SPDYE2: variants seen among roughly 807,000 people sequenced by gnomAD.
The protein encoded by SPDYE2 is speedy protein E2.
For synonymous variants in SPDYE2, 2 were observed against 45.1 expected, an observed-to-expected ratio of 0.04 and a Z score of 3.83; for missense variants, 1 against 121.0, an observed-to-expected ratio of 0.01 and a Z score of 4.65.
Position 102,557,226 on chromosome 7 carries a change from A to C in SPDYE2, c.669+4A>C, listed in dbSNP as rs1195969159. 5 of 592,740 alleles carry C rather than the reference A, an allele frequency of 8.4e-6. No individual in the cohort carries two copies. The East Asian group carries it at 2.1e-4, about 25-fold the overall frequency. 36.7% of individuals were successfully genotyped at this position (592,740 alleles called of 1,614,324 possible). A position where few individuals can be genotyped will look rare whatever the true frequency, so the allele number is the denominator to read the frequency against. On this transcript the variant is annotated splice_donor_region_variant and intron_variant, in intron 5 of 8. Transcript: ENST00000507918. ...AGATCTGAGGGTGTCGGACAAGGTA[A>C]GGTTGTTCTCCATGTAACTGTTCCT...
intron 5 of SPDYE2, among the ~76,000 whole-genome samples, chr7:102,557,687 A>C: frequency 1.9e-5 from 1 of 52,738 alleles, no homozygotes; most frequent in Non-Finnish European, 4.0e-5. Context: ...GAGTCTTGGC[A>C]CCCACAAATT....
chr7:102,555,568 G>A (rs1383736290), intron 3 of SPDYE2, among the ~76,000 whole-genome samples: 5 of 104,136 alleles, frequency 4.8e-5, no homozygotes, highest in Non-Finnish European at 1.0e-4. Flanking sequence ...AGCCAAGATC[G>A]CACCACTACA....
At chr7:102,554,980 T>C (rs1208026000) in intron 3 of SPDYE2, among the ~76,000 whole-genome samples, 2 of 132,560 alleles carry the variant, frequency 1.5e-5, no homozygotes, top group African/African-American at 5.5e-5. Context: ...TGGTAGCTCA[T>C]GCCTGTAATC....
chr7:102,565,205 A>T (rs1801016397), downstream of SPDYE2: 1 of 92,020 alleles, frequency 1.1e-5, no homozygotes, highest in African/African-American at 2.8e-5. Flanking sequence ...CAGAATGCAG[A>T]AAAGCATGAT....
At chr7:102,563,055 T>C (rs1446435796) in exon 9 of SPDYE2, 1 of 149,182 alleles carries the variant, frequency 6.7e-6, no homozygotes, top group Non-Finnish European at 1.5e-5. Flanking sequence ...CTTTAAATAT[T>C]ATTTTAAATA....
At chr7:102,564,423 A>C (rs1800984084), downstream of SPDYE2, 1 of 64,248 alleles carries the variant, frequency 1.6e-5, no homozygotes, top group African/African-American at 5.9e-5. Flanking sequence ...ACCCCCTCTC[A>C]AAAAAAAAAA....
chr7:102,565,217 C>G (rs1801016855), downstream of SPDYE2: 2 of 88,152 alleles, frequency 2.3e-5, no homozygotes, highest in African/African-American at 5.6e-5. Flanking sequence ...AAGCATGATA[C>G]TTTCTTTCTC....
chr7:102,563,774 A>G (rs1388713169), downstream of SPDYE2: 9 of 26,288 alleles, frequency 3.4e-4, no homozygotes, highest in African/African-American at 1.0e-3. Flanking sequence ...CATAGCATCT[A>G]CATCTATTTT....
chr7:102,563,812 T>C (rs371323533), downstream of SPDYE2: 12 of 5,826 alleles, frequency 2.1e-3, no homozygotes, highest in East Asian at 0.024. Context: ...AGAAAAACAA[T>C]AGAAGAGAAG....
chr7:102,557,387 G>C, intron 5 of SPDYE2, among the ~76,000 whole-genome samples, 165 bp downstream of exon 5: 1 of 135,400 alleles, frequency 7.4e-6, no homozygotes, highest in Non-Finnish European at 1.6e-5. Flanking sequence ...GTGTGAGACA[G>C]AGTCTTGCTC....
downstream of SPDYE2, chr7:102,564,402 T>C (rs1383527707): frequency 1.4e-5 from 2 of 147,730 alleles, no homozygotes; most frequent in Admixed American, 1.4e-4. Context: ...TAGCAGAGAT[T>C]GTGTCTCCTC....
At chr7:102,563,063 A>G (rs1800936246) in exon 9 of SPDYE2, 1 of 149,030 alleles carries the variant, frequency 6.7e-6, no homozygotes, top group African/African-American at 2.4e-5. Flanking sequence ...ATTATTTTAA[A>G]TATTTTGGAA....
intron 5 of SPDYE2, 85 bp downstream of exon 5, chr7:102,557,307 C>T (rs975486767): frequency 3.4e-6 from 2 of 595,580 alleles, no homozygotes; most frequent in Non-Finnish European, 2.6e-6. Context: ...GTTCTCCCTC[C>T]ACCACCTCCC....
chr7:102,559,916 C>T (rs1800874740), intron 6 of SPDYE2, among the ~76,000 whole-genome samples: 1 of 32,286 alleles, frequency 3.1e-5, no homozygotes, highest in South Asian at 5.4e-4. Context: ...GCTCCGACTA[C>T]AGGGCTGTGC....
At chr7:102,562,723 ATGTGCTCC>A (rs1352022996) in exon 9 of SPDYE2, 157 of 109,198 alleles carry the variant, frequency 1.4e-3, no homozygotes, top group Middle Eastern at 8.3e-3. Flanking sequence ...GTATTATTAC[ATGTGCTCC>A]TGAAGCGAGC....
exon 9 of SPDYE2, chr7:102,563,157 T>G (rs1422325238): frequency 5.8e-3 from 821 of 142,220 alleles, no homozygotes; most frequent in African/African-American, 0.021. Flanking sequence ...CATATAATTT[T>G]GTTTTCCTTT....
rs1450575972 is a variant in SPDYE2, at chr7:102,563,095, T to C, written c.*1085T>C. On this transcript the variant is annotated 3_prime_UTR_variant, in exon 9 of 9. Coordinates refer to ENST00000507918, the Ensembl canonical transcript of SPDYE2. ...GGAAATACTGGTATTTTTGAATAGA[T>C]GCTGTTTCTATAAAGCTGTGTGATG... is the stretch of plus-strand genomic sequence containing the variant. 11 of 148,556 alleles carry C rather than the reference T, an allele frequency of 7.4e-5. No homozygotes were observed. In the East Asian group the frequency reaches 2.0e-3, roughly 26 times the overall value. The allele number at this position is 148,556 out of a possible 1,614,324, so 9.2% of individuals were successfully genotyped here. A position where few individuals can be genotyped will look rare whatever the true frequency, so the allele number is the denominator to read the frequency against.
downstream of SPDYE2, chr7:102,564,723 G>A (rs1220681801): frequency 7.7e-4 from 120 of 155,088 alleles, no homozygotes; most frequent in Non-Finnish European, 1.3e-3. Flanking sequence ...ATGGAGTCTC[G>A]CTCTGTCACC....
intron 3 of SPDYE2, 25 bp from the exon 4 acceptor site, chr7:102,555,875 A>AC (rs746628845): frequency 1.3e-4 from 58 of 429,708 alleles, no homozygotes; most frequent in Non-Finnish European, 2.0e-4. Context: ...GAAGCATTAC[A>AC]CCGTGGCCTG....
Sources: gnomAD v4.1 joint callset for allele counts (sites outside exome capture counted in the v4.1 genomes callset) on GRCh38, gnomAD v4.1.1 for gene constraint, MANE v1.5 for transcripts, NCBI Gene and HGNC (gene_info 2026-07-23, HGNC 2026-07-21) for gene names.